Variants in MDGA2 observed in about 807,000 individuals in gnomAD.
MDGA2 encodes the protein MAM domain containing glycosylphosphatidylinositol anchor 2.
In MDGA2, 40 loss-of-function variants were observed where a neutral mutation model predicts 117.8. That is an observed-to-expected ratio of 0.34 (90% confidence interval 0.26 to 0.44). The LOEUF (loss-of-function observed/expected upper bound fraction) is 0.44, where lower values mean the gene tolerates loss of function less well. MDGA2 is among the 20% of genes least tolerant of loss of function. The pLI is 1.00. For missense variants in MDGA2, 1,123 were observed against 1,250.6 expected (o/e 0.90, Z 1.54); for synonymous variants, 452 against 439.0 (o/e 1.03, Z -0.37).
intron 1 of MDGA2, among the ~76,000 whole-genome samples, chr14:47,408,078 G>GTTA (rs1566772553): frequency 2.3e-4 from 31 of 136,482 alleles, no homozygotes; most frequent in African/African-American, 5.5e-4. Flanking sequence ...TTTTTTTTTG[G>GTTA]TGGCATCTTG....
At chr14:47,270,015 G>A (rs758432295) in intron 2 of MDGA2, among the ~76,000 whole-genome samples, 3 of 152,152 alleles carry the variant, frequency 2.0e-5, no homozygotes, top group Non-Finnish European at 4.4e-5. Flanking sequence ...AAAGCACAGC[G>A]TGGAGCCATT....
intron 5 of MDGA2, among the ~76,000 whole-genome samples, chr14:47,131,254 C>T (rs982696970): frequency 3.3e-5 from 5 of 151,908 alleles, no homozygotes; most frequent in African/African-American, 1.2e-4. Flanking sequence ...AATGTTTTCA[C>T]ATTTTCTACA....
intron 1 of MDGA2, among the ~76,000 whole-genome samples, chr14:47,381,283 C>G (rs1486650357): frequency 2.0e-5 from 3 of 152,154 alleles, no homozygotes; most frequent in African/African-American, 7.2e-5. Flanking sequence ...TGGAAGCATT[C>G]CCTTTGAAAA....
chr14:47,386,406 C>T (rs924582719), intron 1 of MDGA2, among the ~76,000 whole-genome samples: 2 of 152,080 alleles, frequency 1.3e-5, no homozygotes, highest in South Asian at 2.1e-4. Flanking sequence ...ACTGATAACA[C>T]GTAGTTAACA....
chr14:47,549,082 A>T (rs1276891338), intron 1 of MDGA2, among the ~76,000 whole-genome samples: 3 of 152,178 alleles, frequency 2.0e-5, no homozygotes, highest in Admixed American at 2.0e-4. Flanking sequence ...GTGAGGATGG[A>T]GTTTTTTGAG....
chr14:46,931,525 CTTTTT>C (rs34478677), intron 9 of MDGA2, among the ~76,000 whole-genome samples: 1 of 128,926 alleles, frequency 7.8e-6, no homozygotes, highest in Admixed American at 8.1e-5. Flanking sequence ...TTTATTTTTG[CTTTTT>C]TTTTTTTTTT....
chr14:47,360,381 A>G (rs185927105), intron 1 of MDGA2, among the ~76,000 whole-genome samples: 1,576 of 149,734 alleles, frequency 0.011, 23 homozygotes, highest in Middle Eastern at 0.021. Flanking sequence ...AAATAAATAA[A>G]TAAATAAATA....
At position 47,361,207 on chromosome 14, in the gene MDGA2, C is replaced by CTATA. The variant is rs1226702812; in HGVS notation, c.281-59661_281-59658dup. Among the ~76,000 whole-genome samples the CTATA allele has an allele frequency of 5.4e-3, 759 of 140,514 alleles. 7 individuals are homozygous for CTATA. The highest frequency in any genetic ancestry group is 0.041 in the East Asian group (191 of 4,678). 92.2% of individuals were successfully genotyped at this position (140,514 alleles called of 152,430 possible). A position where few individuals can be genotyped will look rare whatever the true frequency, so the allele number is the denominator to read the frequency against. ...TTGTACTCTCTCTCTCTCTCTCTCT[C>CTATA]TATATATATATATATATATATGGCA... is the stretch of plus-strand genomic sequence containing the variant. On this transcript the variant is annotated intron_variant, in intron 1 of 16. Transcript: ENST00000399232.
intron 2 of MDGA2, among the ~76,000 whole-genome samples, chr14:47,262,127 C>T (rs1240841074): frequency 6.6e-6 from 1 of 152,122 alleles, no homozygotes; most frequent in African/African-American, 2.4e-5. Context: ...AGAGAGCTGA[C>T]ACTCAGAAAT....
intron 1 of MDGA2, among the ~76,000 whole-genome samples, chr14:47,432,577 T>G (rs1892820577): frequency 6.6e-6 from 1 of 152,078 alleles, no homozygotes; most frequent in Admixed American, 6.6e-5. Context: ...ATATTTATAT[T>G]TTCACTTATA....
chr14:47,151,137 C>A (rs984004898), intron 3 of MDGA2, among the ~76,000 whole-genome samples: 2 of 152,108 alleles, frequency 1.3e-5, no homozygotes, highest in Non-Finnish European at 2.9e-5. Context: ...CCCTCAGAAT[C>A]AACTCATGTA....
chr14:47,259,864 G>C (rs1023209068), intron 2 of MDGA2, among the ~76,000 whole-genome samples: 3 of 152,002 alleles, frequency 2.0e-5, no homozygotes, highest in Non-Finnish European at 4.4e-5. Flanking sequence ...AAGAAATATG[G>C]GGGAAGGGAG....
chr14:47,185,033 A>C (rs1884855590), intron 3 of MDGA2, among the ~76,000 whole-genome samples: 1 of 151,310 alleles, frequency 6.6e-6, no homozygotes, highest in Admixed American at 6.6e-5. Flanking sequence ...GAACTATGTC[A>C]AATATGTTTA....
chr14:47,344,364 T>C lies in MDGA2; in HGVS notation c.281-42814A>G, dbSNP rs1335031835. On this transcript the variant is annotated intron_variant, in intron 1 of 16. Coordinates refer to ENST00000399232, the MANE Select transcript of MDGA2 (RefSeq NM_001113498.3). ...ATAATTCACAAACAAACAGTTTTGA[T>C]GTAATATTTTGCCAGGCAAACCAGA... 3.3e-5 allele frequency among the ~76,000 whole-genome samples: 5 copies of C among 152,154 alleles called. No homozygotes were observed. The East Asian group carries it at 9.6e-4, about 29-fold the overall frequency.
rs1448555368 is a variant in MDGA2, at chr14:47,135,817, T to C, written c.793-3971A>G. ...ACTATCTTGAGGTATCTCTTTATGA[T>C]TTCCTAATGCTCCCCATTCCTTGCT... On this transcript the variant is annotated intron_variant, in intron 4 of 16. Transcript: ENST00000399232. Among the ~76,000 whole-genome samples the C allele has an allele frequency of 3.9e-5, 6 of 152,266 alleles. No individual in the cohort carries two copies. The East Asian group carries it at 5.8e-4, about 15-fold the overall frequency.
intron 8 of MDGA2, among the ~76,000 whole-genome samples, chr14:46,960,883 T>C (rs1462998482): frequency 1.4e-5 from 2 of 147,434 alleles, no homozygotes; most frequent in Admixed American, 1.4e-4. Flanking sequence ...ACATGTTTTA[T>C]ATATACATAT....
intron 5 of MDGA2, among the ~76,000 whole-genome samples, chr14:47,100,185 T>C (rs1409384931): frequency 6.6e-6 from 1 of 152,090 alleles, no homozygotes; most frequent in African/African-American, 2.4e-5. Flanking sequence ...ATTGAAACTA[T>C]TGTTTTTCAA....
Position 47,433,629 on chromosome 14 carries a change from C to CACGA in MDGA2, c.281-132083_281-132080dup, listed in dbSNP as rs138696362. 5.5e-3 allele frequency among the ~76,000 whole-genome samples: 843 copies of CACGA among 152,184 alleles called. 9 individuals carry two copies. Among genetic ancestry groups the CACGA allele is most frequent in the African/African-American group, 0.016 (655 of 41,546 alleles). On this transcript the variant is annotated intron_variant, in intron 1 of 16. Transcript: ENST00000399232. The stretch of plus-strand genomic sequence containing the variant: ...TAAGGGAAATTAGAAATTCTGGATT[C>CACGA]ACGACATCAGGGAAATGAAGTGTTG...
chr14:46,945,243 C>T (rs921380260), intron 9 of MDGA2, among the ~76,000 whole-genome samples: 9 of 152,018 alleles, frequency 5.9e-5, no homozygotes, highest in East Asian at 5.8e-4. Context: ...TGGGACTCAC[C>T]GTTAAAATTC....
Sources: allele counts gnomAD v4.1 joint callset (sites outside exome capture counted in the v4.1 genomes callset), GRCh38; gene constraint gnomAD v4.1.1; transcripts MANE v1.5; gene names NCBI Gene and HGNC (gene_info 2026-07-23, HGNC 2026-07-21).